Variants in PRKCA observed in about 807,000 individuals in gnomAD.
PRKCA encodes protein kinase C alpha type.
Under a neutral mutation model 87.0 loss-of-function variants are expected in PRKCA, and 27 were observed. The observed-to-expected ratio is 0.31, with a 90% CI of 0.23 to 0.43. PRKCA has a LOEUF of 0.43. Among genes scored for constraint, PRKCA ranks in the 20% least tolerant of loss-of-function variants. The pLI is 1.00. For synonymous variants in PRKCA, 329 were observed against 311.1 expected, an observed-to-expected ratio of 1.06 and a Z score of -0.61; for missense variants, 518 against 852.3, an observed-to-expected ratio of 0.61 and a Z score of 4.88.
intron 5 of PRKCA, among the ~76,000 whole-genome samples, chr17:66,654,427 G>C (rs1030757829): frequency 6.6e-6 from 1 of 151,960 alleles, no homozygotes; most frequent in East Asian, 1.9e-4. Context: ...ATCACCAGCA[G>C]CAGCAGCAGC....
At chr17:66,777,527 T>C (rs1258407595) in intron 14 of PRKCA, 6 of 980,776 alleles carry the variant, frequency 6.1e-6, no homozygotes, top group Non-Finnish European at 6.0e-6. Context: ...AGTCAATGGC[T>C]GGAGAAACAG....
chr17:66,632,617 C>T (rs1326113849), intron 3 of PRKCA, among the ~76,000 whole-genome samples: 2 of 151,970 alleles, frequency 1.3e-5, no homozygotes, highest in Admixed American at 6.6e-5. Flanking sequence ...TGAGCTCAAA[C>T]GATCCTCCCA....
At position 66,306,138 on chromosome 17, in the gene PRKCA, A is replaced by C; in HGVS notation, c.205+11A>C. On this transcript the variant is annotated intron_variant, in intron 2 of 16. Coordinates refer to ENST00000413366, the MANE Select transcript of PRKCA (RefSeq NM_002737.3). Reference sequence around the variant, plus strand: ...GCTTCCAGTGCCAAGGTAAGCTACCACTTTTGGTTTTATTTTCAAGCACAA... The same window carrying C: ...GCTTCCAGTGCCAAGGTAAGCTACCCCTTTTGGTTTTATTTTCAAGCACAA... 1 of 1,610,778 alleles carries C rather than the reference A, an allele frequency of 6.2e-7. No homozygotes were observed. The highest frequency in any genetic ancestry group is 8.5e-7 in the Non-Finnish European group (1 of 1,178,604).
intron 5 of PRKCA, among the ~76,000 whole-genome samples, chr17:66,663,868 TG>T (rs1249313603): frequency 1.6e-4 from 19 of 119,794 alleles, no homozygotes; most frequent in South Asian, 5.2e-4. Context: ...TGTTTGATTT[TG>T]GGGTTTTTTT....
intron 2 of PRKCA, among the ~76,000 whole-genome samples, chr17:66,346,273 G>A (rs181580411): frequency 1.3e-4 from 20 of 151,556 alleles, no homozygotes; most frequent in South Asian, 4.2e-4. Context: ...ATTTTTTTGT[G>A]TTTTTAGTAG....
chr17:66,407,657 C>T (rs1911495432), intron 2 of PRKCA, among the ~76,000 whole-genome samples: 1 of 151,712 alleles, frequency 6.6e-6, no homozygotes, highest in Non-Finnish European at 1.5e-5. Context: ...TGTATATGCA[C>T]ATTTGAAGTT....
chr17:66,495,839 G>T (rs962748333), intron 2 of PRKCA, among the ~76,000 whole-genome samples: 1 of 152,000 alleles, frequency 6.6e-6, no homozygotes, highest in Non-Finnish European at 1.5e-5. Flanking sequence ...AAAGTGCTTG[G>T]ATTACAGGCA....
At chr17:66,493,323 G>A (rs917567702) in intron 2 of PRKCA, among the ~76,000 whole-genome samples, 1 of 151,532 alleles carries the variant, frequency 6.6e-6, no homozygotes, top group South Asian at 2.1e-4. Flanking sequence ...GTGTGTGTGT[G>A]TGTATGTCTA....
rs553818362 is a variant in PRKCA at position 66,555,433 on chromosome 17, C to T, written c.288+59150C>T. 3.9e-5 allele frequency among the ~76,000 whole-genome samples: 6 copies of T among 152,276 alleles called. 1 individual carries two copies. In the East Asian group the frequency reaches 7.7e-4, roughly 20 times the overall value. On this transcript the variant is annotated intron_variant, in intron 3 of 16. Coordinates refer to ENST00000413366, the MANE Select transcript of PRKCA (RefSeq NM_002737.3). ...TTGCAGAATCTTTGTGGAGGATCCT[C>T]GTTCTTCCTTAACTTCCTTTGTGCC...
At chr17:66,719,591 A>G (rs563587635) in intron 8 of PRKCA, among the ~76,000 whole-genome samples, 19 of 152,126 alleles carry the variant, frequency 1.2e-4, no homozygotes, top group Non-Finnish European at 2.8e-4. Context: ...ACATGGTGAA[A>G]CCCCGTCTCT....
intron 2 of PRKCA, among the ~76,000 whole-genome samples, chr17:66,352,968 T>C (rs536388313): frequency 6.6e-6 from 1 of 152,306 alleles, no homozygotes; most frequent in South Asian, 2.1e-4. Flanking sequence ...CAGCCATTTA[T>C]ATTTCTATGT....
At position 66,765,418 on chromosome 17, in the gene PRKCA, CTATATATATATA is replaced by C. The variant is rs58356468; in HGVS notation, c.1525-8543_1525-8532del. ...CCTGGTCGACAGAGCAAGACTTTGT[CTATATATATATA>C]TATATATATATATATATATATATAT... is the stretch of plus-strand genomic sequence containing the variant. On this transcript the variant is annotated intron_variant, in intron 13 of 16. Transcript: ENST00000413366. 2.2e-3 allele frequency among the ~76,000 whole-genome samples: 108 copies of C among 49,338 alleles called. 3 individuals are homozygous for C. Among genetic ancestry groups the C allele is most frequent in the Middle Eastern group, 0.016 (1 of 62 alleles). The allele number at this position is 49,338 out of a possible 152,430, so 32.4% of individuals were successfully genotyped here.
intron 3 of PRKCA, among the ~76,000 whole-genome samples, chr17:66,504,324 C>T (rs542696621): frequency 6.6e-6 from 1 of 151,832 alleles, no homozygotes; most frequent in East Asian, 2.0e-4. Context: ...AGCAGTGGCC[C>T]ACGCCTGTAA....
At chr17:66,540,999 G>GC (rs1473523864) in intron 3 of PRKCA, among the ~76,000 whole-genome samples, 1 of 152,186 alleles carries the variant, frequency 6.6e-6, no homozygotes, top group East Asian at 1.9e-4. Context: ...GAACCCTACA[G>GC]AGGTAGGAAG....
rs1166075747 is a variant in PRKCA, at chr17:66,645,526, T to C, written c.529+15T>C. On this transcript the variant is annotated intron_variant, in intron 5 of 16. Transcript: ENST00000413366. ...CCATGTCACAGGTAAGGCTTGCTCA[T>C]CCCGGAGCAGCATCGTGGGCAGGCA... The C allele has an allele frequency of 6.2e-7, 1 of 1,613,946 alleles. No individual in the cohort carries two copies. Among genetic ancestry groups the C allele is most frequent in the Non-Finnish European group, 8.5e-7 (1 of 1,179,976 alleles).
intron 2 of PRKCA, among the ~76,000 whole-genome samples, chr17:66,342,860 A>G (rs1907129460): frequency 6.6e-6 from 1 of 152,206 alleles, no homozygotes; most frequent in Non-Finnish European, 1.5e-5. Flanking sequence ...AGCATGTGGA[A>G]CATGTTCCCA....
intron 2 of PRKCA, among the ~76,000 whole-genome samples, chr17:66,439,282 G>C (rs1457104594): frequency 6.6e-6 from 1 of 151,990 alleles, no homozygotes; most frequent in Non-Finnish European, 1.5e-5. Flanking sequence ...CCAGGTTCAA[G>C]TGACTCTTCT....
intron 2 of PRKCA, among the ~76,000 whole-genome samples, chr17:66,397,800 T>A (rs1268097767): frequency 1.3e-5 from 2 of 152,138 alleles, no homozygotes; most frequent in Non-Finnish European, 2.9e-5. Flanking sequence ...TTATTCAGGA[T>A]ACAGTGCTGA....
chr17:66,614,249 GA>G (rs1481637295), intron 3 of PRKCA, among the ~76,000 whole-genome samples: 6 of 152,168 alleles, frequency 3.9e-5, no homozygotes, highest in African/African-American at 1.4e-4. Flanking sequence ...CATTTTTAAT[GA>G]TTGTAGATTT....
Sources: gnomAD v4.1 joint callset for allele counts (sites outside exome capture counted in the v4.1 genomes callset) on GRCh38, gnomAD v4.1.1 for gene constraint, MANE v1.5 for transcripts, NCBI Gene and HGNC (gene_info 2026-07-23, HGNC 2026-07-21) for gene names.